The following MPZL1 variants were observed in gnomAD, a reference collection of about 807,000 sequenced individuals.
The protein encoded by MPZL1 is myelin protein zero-like protein 1.
A neutral mutation model predicts 29.3 loss-of-function variants in MPZL1; 16 were observed. That is an observed-to-expected ratio of 0.55 (90% CI 0.37 to 0.83). The LOEUF (loss-of-function observed/expected upper bound fraction) is 0.83, where lower values mean the gene tolerates loss of function less well. Ranked by LOEUF, MPZL1 falls within the 40% of genes least tolerant of loss-of-function variation. The pLI, the probability that MPZL1 is intolerant of heterozygous loss-of-function variation, is 0.00. For synonymous variants in MPZL1, 143 were observed against 132.0 expected (o/e 1.08, Z -0.57); for missense variants, 279 against 332.9 (o/e 0.84, Z 1.26).
At chr1:167,736,819 ATCTC>A (rs1253344677) in intron 1 of MPZL1, among the ~76,000 whole-genome samples, 2 of 151,860 alleles carry the variant, frequency 1.3e-5, no homozygotes, top group African/African-American at 4.8e-5. Context: ...TGCCAGAGGG[ATCTC>A]TCTCTTGGGC....
intron 1 of MPZL1, among the ~76,000 whole-genome samples, chr1:167,760,794 T>C (rs1660971025): frequency 1.3e-5 from 2 of 148,440 alleles, no homozygotes; most frequent in Admixed American, 1.3e-4. Context: ...TGTGTGTGTG[T>C]ACAGGTGTCA....
chr1:167,773,956 T>TC (rs2101791407), intron 4 of MPZL1: 1 of 152,026 alleles, frequency 6.6e-6, no homozygotes, highest in African/African-American at 2.4e-5. Flanking sequence ...ATAAACTACC[T>TC]CCCCCAGCCC....
At chr1:167,768,193 C>G (rs1558121667) in intron 2 of MPZL1, among the ~76,000 whole-genome samples, 3 of 152,180 alleles carry the variant, frequency 2.0e-5, no homozygotes, top group Non-Finnish European at 4.4e-5. Context: ...CCTAGATTCC[C>G]ATTGTGGACA....
Position 167,790,316 on chromosome 1 carries a change from G to C in MPZL1, c.*2395G>C, listed in dbSNP as rs1408013352. On this transcript the variant is annotated 3_prime_UTR_variant, in exon 6 of 6. Transcript: ENST00000359523. ...GACTTCTTGGCCTCCTGCCCAACCA[G>C]ACACCTCAAACTCTGTCAGTGCCCT... The C allele has an allele frequency of 1.3e-5, 2 of 152,406 alleles. No individual in the cohort carries two copies. The highest frequency in any genetic ancestry group is 2.4e-5 in the African/African-American group (1 of 41,454). 9.4% of individuals were successfully genotyped at this position (152,406 alleles called of 1,614,324 possible).
At chr1:167,730,059 A>G (rs572459988) in intron 1 of MPZL1, among the ~76,000 whole-genome samples, 6 of 152,280 alleles carry the variant, frequency 3.9e-5, no homozygotes, top group African/African-American at 1.4e-4. Context: ...AAGTGTTTAC[A>G]GAGTGGCTTT....
chr1:167,779,993 A>G (rs894551360), intron 5 of MPZL1, among the ~76,000 whole-genome samples: 1 of 152,230 alleles, frequency 6.6e-6, no homozygotes, highest in African/African-American at 2.4e-5. Flanking sequence ...AAAGCGATCT[A>G]CTTACAAAGA....
At chr1:167,778,104 C>T (rs181897872) in intron 5 of MPZL1, among the ~76,000 whole-genome samples, 4 of 152,160 alleles carry the variant, frequency 2.6e-5, no homozygotes, top group African/African-American at 9.6e-5. Flanking sequence ...GGGTGGATCA[C>T]GAGGTCAGGA....
intron 1 of MPZL1, among the ~76,000 whole-genome samples, chr1:167,738,855 C>G (rs563405818): frequency 3.9e-5 from 6 of 152,262 alleles, no homozygotes; most frequent in African/African-American, 1.4e-4. Flanking sequence ...TGCAGAACCA[C>G]GAGCCAATTA....
At chr1:167,729,125 C>G (rs750297264) in intron 1 of MPZL1, among the ~76,000 whole-genome samples, 9 of 151,698 alleles carry the variant, frequency 5.9e-5, no homozygotes, top group Non-Finnish European at 1.0e-4. Context: ...AAAAAATTAG[C>G]TGGGGGTGGT....
intron 1 of MPZL1, among the ~76,000 whole-genome samples, chr1:167,738,652 C>CAGTG (rs935589647): frequency 3.3e-5 from 5 of 152,222 alleles, no homozygotes; most frequent in South Asian, 2.1e-4. Flanking sequence ...GTTCTCTTGA[C>CAGTG]AGTGAGTGAG....
intron 1 of MPZL1, among the ~76,000 whole-genome samples, chr1:167,749,668 AG>A (rs1312521941): frequency 1.3e-5 from 2 of 152,364 alleles, no homozygotes; most frequent in Admixed American, 1.3e-4. Context: ...TCACAAAAAA[AG>A]AACTTCAGAA....
At position 167,788,737 on chromosome 1, in the gene MPZL1, A is replaced by T. The variant is rs1661642711; in HGVS notation, c.*816A>T. 1 of 152,148 alleles carries T rather than the reference A, an allele frequency of 6.6e-6. No homozygotes were observed. The highest frequency in any genetic ancestry group is 2.4e-5 in the African/African-American group (1 of 41,426). 9.4% of individuals were successfully genotyped at this position (152,148 alleles called of 1,614,324 possible). Reference sequence around the variant, plus strand: ...AAAGTATCGGTTTTATTCTTTGCTGATGTCCTTTCTGCTTGAAATAACAGT... The same window carrying T: ...AAAGTATCGGTTTTATTCTTTGCTGTTGTCCTTTCTGCTTGAAATAACAGT... On this transcript the variant is annotated 3_prime_UTR_variant, in exon 6 of 6. Coordinates refer to ENST00000359523, the MANE Select transcript of MPZL1 (RefSeq NM_003953.6).
intron 1 of MPZL1, among the ~76,000 whole-genome samples, chr1:167,733,284 G>A (rs1284116525): frequency 6.6e-6 from 1 of 152,160 alleles, no homozygotes. Context: ...CTGCCATTTG[G>A]CCCCTGTCAT....
intron 1 of MPZL1, among the ~76,000 whole-genome samples, chr1:167,763,314 G>A (rs916886283): frequency 5.3e-5 from 8 of 151,996 alleles, no homozygotes; most frequent in South Asian, 2.1e-4. Flanking sequence ...TCAGGAGTTC[G>A]AGACCAGCCT....
rs983778256 is a variant in MPZL1, at chr1:167,748,306, T to A, written c.92-17277T>A. Among the ~76,000 whole-genome samples the A allele has an allele frequency of 2.6e-5, 4 of 152,188 alleles. No homozygotes were observed. The South Asian group carries it at 8.3e-4, about 32-fold the overall frequency. ...TCTCTACATCCTCTCCAGCTACTGGTTAGTGCCATCTTTTTGATATAGCCA... is the reference window on the plus strand; with the variant it reads ...TCTCTACATCCTCTCCAGCTACTGGATAGTGCCATCTTTTTGATATAGCCA... On this transcript the variant is annotated intron_variant, in intron 1 of 5. Transcript: ENST00000359523.
At chr1:167,772,588 AT>A in intron 3 of MPZL1, 100 bp downstream of exon 3, 1 of 1,103,574 alleles carries the variant, frequency 9.1e-7, no homozygotes, top group East Asian at 2.5e-5. Flanking sequence ...TGGAGGGAGG[AT>A]TTTTGCCATA....
intron 1 of MPZL1, among the ~76,000 whole-genome samples, chr1:167,759,355 CT>C (rs1180517376): frequency 6.6e-6 from 1 of 152,158 alleles, no homozygotes; most frequent in Non-Finnish European, 1.5e-5. Flanking sequence ...AATAATTTTA[CT>C]ATGTATTCCC....
intron 1 of MPZL1, among the ~76,000 whole-genome samples, chr1:167,741,614 T>C (rs1660528322): frequency 6.6e-6 from 1 of 151,948 alleles, no homozygotes; most frequent in South Asian, 2.1e-4. Flanking sequence ...CATGAGCCAC[T>C]GTGCCTGGCC....
chr1:167,737,647 C>G (rs1342010879), intron 1 of MPZL1, among the ~76,000 whole-genome samples: 2 of 152,164 alleles, frequency 1.3e-5, no homozygotes, highest in African/African-American at 2.4e-5. Flanking sequence ...ATGGCTCTGG[C>G]CATCAAGCTA....
Sources: allele counts gnomAD v4.1 joint callset (sites outside exome capture counted in the v4.1 genomes callset), GRCh38; gene constraint gnomAD v4.1.1; transcripts MANE v1.5; gene names NCBI Gene and HGNC (gene_info 2026-07-23, HGNC 2026-07-21).